PCDHGA7: variants seen among roughly 807,000 people sequenced by gnomAD.
The protein encoded by PCDHGA7 is protocadherin gamma subfamily A, 7, also known as protocadherin gamma-A7.
Under a neutral mutation model 58.3 loss-of-function variants are expected in PCDHGA7, and 44 were observed. The observed-to-expected ratio is 0.75, with a 90% CI of 0.59 to 0.97. The LOEUF is 0.97. PCDHGA7 is among the 50% of genes least tolerant of loss of function. PCDHGA7 has a pLI of 0.00. For synonymous variants in PCDHGA7, 516 were observed against 504.2 expected, an observed-to-expected ratio of 1.02 and a Z score of -0.31; for missense variants, 1,266 against 1,188.7, an observed-to-expected ratio of 1.06 and a Z score of -0.96.
intron 1 of PCDHGA7, among the ~76,000 whole-genome samples, chr5:141,457,863 C>A (rs2098930968): frequency 6.6e-6 from 1 of 152,194 alleles, no homozygotes; most frequent in Non-Finnish European, 1.5e-5. Flanking sequence ...TCTTCACTGA[C>A]CACAGGTTAG....
At chr5:141,499,022 AAGG>A (rs2099788758) in intron 2 of PCDHGA7, among the ~76,000 whole-genome samples, 3 of 150,722 alleles carry the variant, frequency 2.0e-5, no homozygotes, top group Non-Finnish European at 3.0e-5. Context: ...GGAAGGAAGG[AAGG>A]AAGAAAAGAA....
At chr5:141,389,449 A>C in intron 1 of PCDHGA7, 2 of 1,610,538 alleles carry the variant, frequency 1.2e-6, no homozygotes, top group Non-Finnish European at 1.7e-6. Context: ...GACCACGAGC[A>C]GCTGCGCGCC....
intron 1 of PCDHGA7, chr5:141,410,478 C>G (rs767257836): frequency 6.2e-7 from 1 of 1,613,992 alleles, no homozygotes; most frequent in Non-Finnish European, 8.5e-7. Context: ...ATTGCACATA[C>G]GGGTACAAAA....
rs780843098 is a variant in PCDHGA7 at position 141,431,185 on chromosome 5, T to C, written c.2424+45862T>C. On this transcript the variant is annotated intron_variant, in intron 1 of 3. Coordinates refer to ENST00000518325, the MANE Select transcript of PCDHGA7 (RefSeq NM_018920.4). The surrounding 1 kb of genome is among the most constrained non-coding windows in gnomAD (Gnocchi z 4.8). ...GTGAAAGTGAATTAGAAATAAAAAT[T>C]AGTGAAAATGCAGCCACTGAGATGC... The C allele has an allele frequency of 3.1e-6, 5 of 1,613,982 alleles. No homozygotes were observed. The highest frequency in any genetic ancestry group is 4.2e-6 in the Non-Finnish European group (5 of 1,180,016).
At chr5:141,488,070 C>A (rs777154469) in intron 1 of PCDHGA7, among the ~76,000 whole-genome samples, 3 of 152,076 alleles carry the variant, frequency 2.0e-5, no homozygotes, top group Non-Finnish European at 1.5e-5. Context: ...TCTTTGTCTC[C>A]CAGTATCTAG....
chr5:141,394,321 C>G (rs11575959), intron 1 of PCDHGA7: 43,282 of 1,613,954 alleles, frequency 0.027, 850 homozygotes, highest in African/African-American at 0.092. Flanking sequence ...CCCCTGTCCT[C>G]GTATATCTCC....
chr5:141,459,162 T>A (rs1408033955), intron 1 of PCDHGA7, among the ~76,000 whole-genome samples: 3 of 152,224 alleles, frequency 2.0e-5, no homozygotes, highest in African/African-American at 7.2e-5. Context: ...AACATTTCTA[T>A]AACCTTCAAA....
intron 1 of PCDHGA7, among the ~76,000 whole-genome samples, chr5:141,475,567 A>G (rs1260546062): frequency 6.6e-6 from 1 of 152,244 alleles, no homozygotes; most frequent in African/African-American, 2.4e-5. Flanking sequence ...CTGTCTTCCA[A>G]CAAGCCAGAT....
chr5:141,418,867 A>T, intron 1 of PCDHGA7: 1 of 1,613,968 alleles, frequency 6.2e-7, no homozygotes, highest in Non-Finnish European at 8.5e-7. Context: ...TAATTGTAGA[A>T]GTTGTAGACG....
rs191909737 is a variant in PCDHGA7 at position 141,405,622 on chromosome 5, G to A, written c.2424+20299G>A. 9.3e-3 allele frequency: 5,090 copies of A among 544,656 alleles called. 46 individuals are homozygous for A. The highest frequency in any genetic ancestry group is 0.017 in the Admixed American group (494 of 29,130). The allele number at this position is 544,656 out of a possible 1,614,324, so 33.7% of individuals were successfully genotyped here. On this transcript the variant is annotated intron_variant, in intron 1 of 3. Transcript: ENST00000518325. ...GTAGAATAACTGGGACTACAGGCAC[G>A]TGCCACCACGCCCGGCTAATTTTTT...
chr5:141,430,715 A>G (rs1210053402), intron 1 of PCDHGA7: 3 of 1,483,264 alleles, frequency 2.0e-6, no homozygotes, highest in East Asian at 4.7e-5. Context: ...TCCTGACTTC[A>G]GTGGTTAAGG....
At chr5:141,392,280 GCA>G (rs1460323134) in intron 1 of PCDHGA7, 2 of 152,190 alleles carry the variant, frequency 1.3e-5, no homozygotes, top group East Asian at 3.8e-4. Flanking sequence ...AAAGCTTAGA[GCA>G]CAATGGGAAA....
chr5:141,478,097 A>G lies in PCDHGA7; in HGVS notation c.2425-16710A>G, dbSNP rs757796085. Reference sequence around the variant, plus strand: ...GGAGCCTTCGCTCTCCACCACTGCTACCCTCACTGTGTCAGTAACCGAGGA... The same window carrying G: ...GGAGCCTTCGCTCTCCACCACTGCTGCCCTCACTGTGTCAGTAACCGAGGA... On this transcript the variant is annotated intron_variant, in intron 1 of 3. Transcript: ENST00000518325. 9.9e-6 allele frequency: 16 copies of G among 1,613,666 alleles called. No homozygotes were observed. Among genetic ancestry groups the G allele is most frequent in the Admixed American group, 1.7e-5 (1 of 59,970 alleles).
At position 141,432,185 on chromosome 5, in the gene PCDHGA7, G is replaced by A. The variant is rs376661062; in HGVS notation, c.2424+46862G>A. 8.1e-6 allele frequency: 13 copies of A among 1,613,956 alleles called. No individual in the cohort carries two copies. The African/African-American group carries it at 1.3e-4, about 17-fold the overall frequency. On this transcript the variant is annotated intron_variant, in intron 1 of 3. Transcript: ENST00000518325. This position sits in a 1 kb window ranked among gnomAD's most constrained non-coding sequence, Gnocchi z 6.0. ...AGGAGTTTCCCTCGTCTCTGTGACC[G>A]CCCACGACCCCGACTGTGAAGAGAA...
chr5:141,510,229 C>T (rs904367594), intron 3 of PCDHGA7, among the ~76,000 whole-genome samples: 3 of 150,486 alleles, frequency 2.0e-5, no homozygotes, highest in African/African-American at 7.4e-5. Context: ...GCCGGGATCG[C>T]GCCACTGCAC....
chr5:141,393,745 A>T, intron 1 of PCDHGA7: 1 of 1,613,898 alleles, frequency 6.2e-7, no homozygotes. Context: ...GATTATGAAG[A>T]ATGTTCATTT....
intron 2 of PCDHGA7, among the ~76,000 whole-genome samples, chr5:141,498,962 A>G (rs1257746192): frequency 8.0e-6 from 1 of 124,866 alleles, no homozygotes; most frequent in Non-Finnish European, 1.7e-5. Context: ...AGAGAGAGGG[A>G]GGGAGGGAGG....
chr5:141,383,525 A>C lies in PCDHGA7; in HGVS notation c.626A>C (p.His209Pro). Residue 209 changes from histidine to proline, a missense_variant, in exon 1 of 4, where the codon CAC becomes CCC. Transcript: ENST00000518325. ...GACCGGGAGGAAGAGCGGGTTCACC[A>C]CCTGGTCCTCACAGCCTCTGATGGC... ...VLDREEERVH[H>P]LVLTASDGGD... 1 of 1,612,320 alleles carries C rather than the reference A, an allele frequency of 6.2e-7. No homozygotes were observed. Among genetic ancestry groups the C allele is most frequent in the Non-Finnish European group, 8.5e-7 (1 of 1,179,264 alleles).
intron 1 of PCDHGA7, chr5:141,398,897 C>T (rs761364649): frequency 1.2e-6 from 2 of 1,613,932 alleles, no homozygotes; most frequent in Non-Finnish European, 1.7e-6. Context: ...AACGTGCCAC[C>T]AGGCACCACT....
Sources: gnomAD v4.1 joint callset for allele counts (sites outside exome capture counted in the v4.1 genomes callset) on GRCh38, gnomAD v4.1.1 for gene constraint, Gnocchi (gnomAD v3.1) non-coding constraint, MANE v1.5 for transcripts, NCBI Gene and HGNC (gene_info 2026-07-23, HGNC 2026-07-21) for gene names.